The following RYR2 variants were observed in gnomAD, a reference collection of about 807,000 sequenced individuals.
RYR2 encodes ryanodine receptor 2.
RYR2 carries 227 observed loss-of-function variants against 601.1 expected under a neutral mutation model. The observed-to-expected ratio is 0.38, with a 90% CI of 0.34 to 0.42. The LOEUF is 0.42. RYR2 is among the 10% of genes least tolerant of loss of function. RYR2 has a pLI of 1.00. For synonymous variants in RYR2, 2,223 were observed against 2,175.1 expected, an observed-to-expected ratio of 1.02 and a Z score of -0.61; for missense variants, 4,646 against 6,156.5, an observed-to-expected ratio of 0.75 and a Z score of 8.21.
chr1:237,318,989 CTG>C (rs1224653244), intron 2 of RYR2, among the ~76,000 whole-genome samples: 3 of 152,028 alleles, frequency 2.0e-5, no homozygotes, highest in Non-Finnish European at 4.4e-5. Flanking sequence ...TTCTGAGGCT[CTG>C]TGCATTTTTT....
intron 1 of RYR2, among the ~76,000 whole-genome samples, chr1:237,101,102 C>G (rs1668042903): frequency 6.6e-6 from 1 of 152,154 alleles, no homozygotes; most frequent in Non-Finnish European, 1.5e-5. Context: ...CCATCTCCCA[C>G]ATCCTAATGG....
At chr1:237,194,635 C>T (rs1358963652) in intron 1 of RYR2, among the ~76,000 whole-genome samples, 1 of 152,150 alleles carries the variant, frequency 6.6e-6, no homozygotes, top group Non-Finnish European at 1.5e-5. Flanking sequence ...TGACCCTGAC[C>T]CAGAGGCGGG....
At chr1:237,800,548 T>G (rs2149413891) in intron 97 of RYR2, among the ~76,000 whole-genome samples, 1 of 152,286 alleles carries the variant, frequency 6.6e-6, no homozygotes, top group African/African-American at 2.4e-5. Context: ...ATTCGCTTAA[T>G]TAAAAGAAAT....
chr1:237,563,133 C>T (rs1214621525), intron 27 of RYR2, among the ~76,000 whole-genome samples: 1 of 152,070 alleles, frequency 6.6e-6, no homozygotes, highest in Non-Finnish European at 1.5e-5. Flanking sequence ...TGGGGCAGGG[C>T]ACAGTGGCTC....
intron 46 of RYR2, among the ~76,000 whole-genome samples, chr1:237,639,550 G>C (rs1432017051): frequency 1.3e-5 from 2 of 152,252 alleles, no homozygotes; most frequent in East Asian, 1.9e-4. Flanking sequence ...AAGGTAGTTA[G>C]AATGAGATTT....
intron 36 of RYR2, among the ~76,000 whole-genome samples, chr1:237,613,377 T>C (rs1261047259): frequency 6.6e-6 from 1 of 152,234 alleles, no homozygotes; most frequent in Non-Finnish European, 1.5e-5. Flanking sequence ...TGCTAATACA[T>C]AATAGGCACT....
chr1:237,473,431 C>CTCTTTCTTTCTT (rs58358151), intron 17 of RYR2, among the ~76,000 whole-genome samples: 145 of 115,850 alleles, frequency 1.3e-3, no homozygotes, highest in African/African-American at 4.1e-3. Context: ...CTCTCTCTCT[C>CTCTTTCTTTCTT]TCTTTCTTTC....
intron 17 of RYR2, among the ~76,000 whole-genome samples, chr1:237,487,336 C>A (rs535046086): frequency 2.0e-5 from 3 of 151,944 alleles, no homozygotes; most frequent in Admixed American, 6.6e-5. Context: ...TAAAAATGGA[C>A]TCTTTGGTGT....
chr1:237,222,420 A>C (rs1477907319), intron 1 of RYR2, among the ~76,000 whole-genome samples: 1 of 151,936 alleles, frequency 6.6e-6, no homozygotes, highest in Non-Finnish European at 1.5e-5. Context: ...CTCAAAAAAA[A>C]AAAAAGGAAG....
At chr1:237,305,880 G>A (rs951451104) in intron 2 of RYR2, among the ~76,000 whole-genome samples, 8 of 152,152 alleles carry the variant, frequency 5.3e-5, no homozygotes, top group Non-Finnish European at 1.2e-4. Flanking sequence ...ACTCATGGGT[G>A]TTAATTTTAT....
chr1:237,640,870 CTCTT>C, intron 46 of RYR2, 23 bp from the exon 47 acceptor site: 2 of 1,585,134 alleles, frequency 1.3e-6, no homozygotes, highest in Non-Finnish European at 1.7e-6. Context: ...CATTTGCTTT[CTCTT>C]TCTTTTGAAA....
chr1:237,077,657 A>C (rs1178360529), intron 1 of RYR2, among the ~76,000 whole-genome samples: 1 of 141,934 alleles, frequency 7.0e-6, no homozygotes, highest in Non-Finnish European at 1.6e-5. Context: ...AGAGACTTAG[A>C]CTCCCACACA....
At chr1:237,252,000 G>A (rs926514905) in intron 1 of RYR2, among the ~76,000 whole-genome samples, 3 of 151,760 alleles carry the variant, frequency 2.0e-5, no homozygotes, top group Non-Finnish European at 2.9e-5. Context: ...CCTTTTCCCG[G>A]CACTTCCACA....
At chr1:237,097,306 G>C (rs919802972) in intron 1 of RYR2, among the ~76,000 whole-genome samples, 1 of 152,152 alleles carries the variant, frequency 6.6e-6, no homozygotes, top group African/African-American at 2.4e-5. Context: ...GAGTTAAAAG[G>C]GGGAAGAAAC....
intron 37 of RYR2, among the ~76,000 whole-genome samples, chr1:237,615,181 C>A (rs368833891): frequency 1.3e-5 from 2 of 152,002 alleles, no homozygotes; most frequent in African/African-American, 4.8e-5. Flanking sequence ...TTACTTTCCC[C>A]TAGTATGCTT....
At chr1:237,741,418 A>G (rs912317838) in intron 79 of RYR2, among the ~76,000 whole-genome samples, 40 of 152,040 alleles carry the variant, frequency 2.6e-4, no homozygotes, top group African/African-American at 9.7e-4. Flanking sequence ...GAAACATTGA[A>G]TGCTTACCAA....
intron 1 of RYR2, among the ~76,000 whole-genome samples, chr1:237,114,207 C>T (rs115348987): frequency 0.011 from 1,616 of 152,270 alleles, 23 homozygotes; most frequent in South Asian, 0.042. Context: ...CCAGGGATTC[C>T]CAAGGACACA....
At chr1:237,397,386 G>T (rs1702949225) in intron 10 of RYR2, among the ~76,000 whole-genome samples, 1 of 152,162 alleles carries the variant, frequency 6.6e-6, no homozygotes, top group African/African-American at 2.4e-5. Context: ...TTGAGTAAAT[G>T]GTCCCGAGGC....
At chr1:237,202,303 T>C (rs150483689) in intron 1 of RYR2, among the ~76,000 whole-genome samples, 1 of 152,344 alleles carries the variant, frequency 6.6e-6, no homozygotes, top group Non-Finnish European at 1.5e-5. Context: ...TACCTCTTTT[T>C]GAGTCTGAGC....
Sources: allele counts gnomAD v4.1 joint callset (sites outside exome capture counted in the v4.1 genomes callset), GRCh38; gene constraint gnomAD v4.1.1; transcripts MANE v1.5; gene names NCBI Gene and HGNC (gene_info 2026-07-23, HGNC 2026-07-21).